The following HRH1 variants were observed in gnomAD, a reference collection of about 807,000 sequenced individuals.
HRH1 encodes histamine receptor H1, also known as histamine H1 receptor.
In HRH1, 6 loss-of-function variants were observed where a neutral mutation model predicts 10.3. That is an observed-to-expected ratio of 0.58 (90% confidence interval 0.32 to 1.15). The LOEUF (loss-of-function observed/expected upper bound fraction) is 1.15. Ranked by LOEUF, HRH1 falls within the 50% of genes most tolerant of loss-of-function variation. The pLI is 0.05. For synonymous variants in HRH1, 242 were observed against 236.7 expected (o/e 1.02, Z -0.21); for missense variants, 514 against 615.3 (o/e 0.84, Z 1.74).
intron 1 of HRH1, among the ~76,000 whole-genome samples, chr3:11,243,497 A>C (rs1377490224): frequency 6.6e-6 from 1 of 152,264 alleles, no homozygotes; most frequent in Non-Finnish European, 1.5e-5. Flanking sequence ...TGAGGATACC[A>C]AGAGAAAGGA....
At chr3:11,258,904 C>G in intron 1 of HRH1, 99 bp from the exon 2 acceptor site, 1 of 806,522 alleles carries the variant, frequency 1.2e-6, no homozygotes, top group Non-Finnish European at 1.9e-6. Flanking sequence ...TGTTGATCAC[C>G]CCCAACAGCA....
chr3:11,240,877 C>T (rs1036927158), intron 1 of HRH1, among the ~76,000 whole-genome samples: 1 of 152,154 alleles, frequency 6.6e-6, no homozygotes, highest in Non-Finnish European at 1.5e-5. Flanking sequence ...TTCTGACTTA[C>T]TTGACTAGAA....
At chr3:11,139,660 T>C (rs1159428364) in intron 1 of HRH1, among the ~76,000 whole-genome samples, 1 of 151,992 alleles carries the variant, frequency 6.6e-6, no homozygotes, top group Non-Finnish European at 1.5e-5. Flanking sequence ...ATTCACACAA[T>C]GCGATATTAT....
At position 11,163,043 on chromosome 3, in the gene HRH1, G is replaced by A. The variant is rs375152573; in HGVS notation, c.-36+8489G>A. Among the ~76,000 whole-genome samples, 111 of 152,238 alleles carry A rather than the reference G, an allele frequency of 7.3e-4. 1 individual carries two copies. In the South Asian group the frequency reaches 0.014, roughly 20 times the overall value. On this transcript the variant is annotated intron_variant, in intron 1 of 1. Coordinates refer to ENST00000431010, the MANE Select transcript of HRH1 (RefSeq NM_001098212.2). Reference sequence around the variant, plus strand: ...AGGGGGAATTAAAATGTGCAGACCTGGAAGAGGTCTAGTTGGGAAGGAGAT... The same window carrying A: ...AGGGGGAATTAAAATGTGCAGACCTAGAAGAGGTCTAGTTGGGAAGGAGAT...
intron 1 of HRH1, among the ~76,000 whole-genome samples, chr3:11,157,618 G>T (rs772464760): frequency 1.3e-5 from 2 of 152,198 alleles, no homozygotes; most frequent in Admixed American, 6.5e-5. Context: ...TCGGAGGGGG[G>T]GCCAGGATGC....
intron 1 of HRH1, among the ~76,000 whole-genome samples, chr3:11,138,737 T>A (rs1936234999): frequency 6.7e-6 from 1 of 149,246 alleles, no homozygotes; most frequent in African/African-American, 2.5e-5. Context: ...TGCAGTGGCA[T>A]GATCACAGCT....
chr3:11,245,420 C>A (rs966706310), intron 1 of HRH1, among the ~76,000 whole-genome samples: 15 of 152,222 alleles, frequency 9.9e-5, no homozygotes, highest in African/African-American at 3.4e-4. Flanking sequence ...GCAACCACTT[C>A]CCAGCTGCGT....
chr3:11,185,236 G>T (rs9858388), intron 1 of HRH1, among the ~76,000 whole-genome samples: 59,709 of 151,960 alleles, frequency 0.39, 12,909 homozygotes, highest in Admixed American at 0.54. Context: ...GGAGCCTGGA[G>T]CATAGCGCTG....
chr3:11,202,404 C>CAATCAATA (rs369936784), intron 1 of HRH1, among the ~76,000 whole-genome samples: 151 of 140,622 alleles, frequency 1.1e-3, no homozygotes, highest in Admixed American at 2.2e-3. Context: ...GACTCCATCT[C>CAATCAATA]AATAAATAAA....
intron 1 of HRH1, among the ~76,000 whole-genome samples, chr3:11,208,160 T>C (rs1319828507): frequency 9.0e-6 from 1 of 111,360 alleles, no homozygotes; most frequent in Non-Finnish European, 1.9e-5. Flanking sequence ...TTTCTTTTTT[T>C]TTTTTTTTTT....
chr3:11,139,437 G>C (rs988144147), intron 1 of HRH1, among the ~76,000 whole-genome samples: 1 of 151,914 alleles, frequency 6.6e-6, no homozygotes, highest in African/African-American at 2.4e-5. Context: ...CTGCCACCAC[G>C]CCCAGCTAAT....
At chr3:11,168,597 G>T (rs1401231910) in intron 1 of HRH1, among the ~76,000 whole-genome samples, 1 of 152,258 alleles carries the variant, frequency 6.6e-6, no homozygotes, top group African/African-American at 2.4e-5. Flanking sequence ...CAATGCCACA[G>T]TTGGTTGCCT....
chr3:11,215,590 G>C (rs1427668261), intron 1 of HRH1, among the ~76,000 whole-genome samples: 1 of 152,158 alleles, frequency 6.6e-6, no homozygotes, highest in Non-Finnish European at 1.5e-5. Context: ...ACAGGCGCCT[G>C]CCACTACACC....
At chr3:11,231,112 G>A (rs1038746075) in intron 1 of HRH1, among the ~76,000 whole-genome samples, 1 of 152,070 alleles carries the variant, frequency 6.6e-6, no homozygotes, top group African/African-American at 2.4e-5. Flanking sequence ...TAACCTTTTG[G>A]GACTGACTTC....
At chr3:11,150,878 G>C (rs1936597858), upstream of HRH1, among the ~76,000 whole-genome samples, 1 of 152,238 alleles carries the variant, frequency 6.6e-6, no homozygotes, top group Admixed American at 6.5e-5. Context: ...GCATCTACCA[G>C]AGCCAAGCAC....
At chr3:11,236,609 G>T (rs180946759) in intron 1 of HRH1, among the ~76,000 whole-genome samples, 12 of 152,318 alleles carry the variant, frequency 7.9e-5, no homozygotes, top group African/African-American at 2.9e-4. Context: ...AAGGGAGAAT[G>T]AATGGATAGA....
intron 1 of HRH1, among the ~76,000 whole-genome samples, chr3:11,172,499 G>A (rs545980388): frequency 6.6e-6 from 1 of 152,236 alleles, no homozygotes; most frequent in South Asian, 2.1e-4. Context: ...CCCTCTATGG[G>A]TCATATATGA....
At chr3:11,149,382 ACAGGAAGAGACTTTTG>A (rs2124999445) in intron 1 of HRH1, among the ~76,000 whole-genome samples, 1 of 152,368 alleles carries the variant, frequency 6.6e-6, no homozygotes, top group African/African-American at 2.4e-5. Flanking sequence ...ACTTAATAAC[ACAGGAAGAGACTTTTG>A]CTTTTGCCTA....
At chr3:11,157,867 T>G (rs756363677) in intron 1 of HRH1, among the ~76,000 whole-genome samples, 3 of 152,196 alleles carry the variant, frequency 2.0e-5, no homozygotes, top group Non-Finnish European at 4.4e-5. Context: ...AAGCACAGAC[T>G]CCAATGTCCA....
Sources: allele counts gnomAD v4.1 joint callset (sites outside exome capture counted in the v4.1 genomes callset), GRCh38; gene constraint gnomAD v4.1.1; transcripts MANE v1.5; gene names NCBI Gene and HGNC (gene_info 2026-07-23, HGNC 2026-07-21).